Variants in ZHX3 observed in about 807,000 individuals in gnomAD.
The protein encoded by ZHX3 is zinc fingers and homeoboxes 3.
A neutral mutation model predicts 64.5 loss-of-function variants in ZHX3; 20 were observed. That is an observed-to-expected ratio of 0.31 (90% CI 0.22 to 0.45). The LOEUF (loss-of-function observed/expected upper bound fraction) is 0.45. Ranked by LOEUF, ZHX3 falls within the 20% of genes least tolerant of loss-of-function variation. The probability of loss-of-function intolerance (pLI) is 1.00; values close to 1 mark genes in which losing one functional copy is unlikely to be tolerated. For synonymous variants in ZHX3, 423 were observed against 461.6 expected, an observed-to-expected ratio of 0.92 and a Z score of 1.07; for missense variants, 1,041 against 1,195.8, an observed-to-expected ratio of 0.87 and a Z score of 1.91.
At chr20:41,211,986 T>C (rs1297255367) in intron 2 of ZHX3, among the ~76,000 whole-genome samples, 1 of 152,192 alleles carries the variant, frequency 6.6e-6, no homozygotes, top group African/African-American at 2.4e-5. Context: ...AGACAAGTTA[T>C]GGAAGACATC....
chr20:41,304,934 T>G (rs1309679471), intron 1 of ZHX3, among the ~76,000 whole-genome samples: 2 of 152,260 alleles, frequency 1.3e-5, no homozygotes, highest in Non-Finnish European at 2.9e-5. Flanking sequence ...GACCAAGGAC[T>G]ATGTTACAAA....
At chr20:41,310,222 G>T (rs1181901566) in intron 1 of ZHX3, among the ~76,000 whole-genome samples, 1 of 152,128 alleles carries the variant, frequency 6.6e-6, no homozygotes, top group East Asian at 1.9e-4. Context: ...AATGCTACCA[G>T]TGCCCCAGTT....
At position 41,204,979 on chromosome 20, in the gene ZHX3, G is replaced by A; in HGVS notation, c.-63C>T. ...TCCCATAAGGGGCCTAACAATACAA[G>A]TTCCAGCTTCTCGATGAGGGCCAAA... On this transcript the variant is annotated 5_prime_UTR_variant, in exon 3 of 4. Transcript: ENST00000683867. The surrounding 1 kb of genome is among the most constrained non-coding windows in gnomAD (Gnocchi z 6.6). 3 of 1,459,260 alleles carry A rather than the reference G, an allele frequency of 2.1e-6. No homozygotes were observed. The highest frequency in any genetic ancestry group is 2.7e-6 in the Non-Finnish European group (3 of 1,104,958). The allele number at this position is 1,459,260 out of a possible 1,614,324, so 90.4% of individuals were successfully genotyped here.
At chr20:41,231,300 C>A (rs1317376285) in intron 2 of ZHX3, among the ~76,000 whole-genome samples, 1 of 152,166 alleles carries the variant, frequency 6.6e-6, no homozygotes, top group East Asian at 1.9e-4. Context: ...TTGGCATGGG[C>A]AGTTTTTCTC....
intron 3 of ZHX3, among the ~76,000 whole-genome samples, chr20:41,196,416 TAATA>T (rs1290118571): frequency 2.1e-5 from 1 of 48,452 alleles, no homozygotes; most frequent in African/African-American, 7.6e-5. Context: ...ATATTATATA[TAATA>T]TATATTTATA....
chr20:41,196,457 T>C, intron 3 of ZHX3, among the ~76,000 whole-genome samples: 1 of 1,374 alleles, frequency 7.3e-4, no homozygotes, highest in Admixed American at 0.014. Context: ...ATATAATATA[T>C]TTATATATAA....
chr20:41,280,656 A>G (rs2043632664), intron 1 of ZHX3, among the ~76,000 whole-genome samples: 1 of 152,136 alleles, frequency 6.6e-6, no homozygotes. Flanking sequence ...ACCTCAAGTG[A>G]TCCAACCACC....
intron 2 of ZHX3, among the ~76,000 whole-genome samples, chr20:41,235,879 C>T (rs1270033524): frequency 6.6e-6 from 1 of 152,174 alleles, no homozygotes. Flanking sequence ...ACCCCATCAT[C>T]TCAGCCCAAA....
At position 41,187,461 on chromosome 20, in the gene ZHX3, CAAGGT is replaced by C. The variant is rs756719921; in HGVS notation, c.2861-2265_2861-2261del. Reference sequence around the variant, plus strand: ...TTTAAGTAAATTTCTGTATATAGTACAAGGTAAGAGTATAATTTCATACTTTTGCA... The same window carrying C: ...TTTAAGTAAATTTCTGTATATAGTACAAGAGTATAATTTCATACTTTTGCA... On this transcript the variant is annotated intron_variant, in intron 3 of 3. Transcript: ENST00000683867. Among the ~76,000 whole-genome samples, 77 of 151,364 alleles carry C rather than the reference CAAGGT, an allele frequency of 5.1e-4. 1 individual carries two copies. Among genetic ancestry groups the C allele is most frequent in the Middle Eastern group, 3.4e-3 (1 of 292 alleles).
intron 2 of ZHX3, among the ~76,000 whole-genome samples, chr20:41,263,805 G>C (rs1393283841): frequency 6.6e-6 from 1 of 152,226 alleles, no homozygotes; most frequent in South Asian, 2.1e-4. Flanking sequence ...CCTAAGAGAG[G>C]GGAGCTATTT....
Position 41,183,131 on chromosome 20 carries a change from G to A in ZHX3, c.*2060C>T, listed in dbSNP as rs2036302900. Reference sequence around the variant, plus strand: ...CCAAGTTTCTCAACTGCACACGCCAGATGCGCGTTTTACGAGAATCAAATG... The same window carrying A: ...CCAAGTTTCTCAACTGCACACGCCAAATGCGCGTTTTACGAGAATCAAATG... On this transcript the variant is annotated 3_prime_UTR_variant, in exon 4 of 4. Transcript: ENST00000683867. This position sits in a 1 kb window ranked among gnomAD's most constrained non-coding sequence, Gnocchi z 5.3. 6.6e-6 allele frequency: 1 copy of A among 152,228 alleles called. No individual in the cohort carries two copies. 9.4% of individuals were successfully genotyped at this position (152,228 alleles called of 1,614,324 possible).
chr20:41,276,509 C>G (rs1189396222), intron 1 of ZHX3, among the ~76,000 whole-genome samples: 1 of 152,148 alleles, frequency 6.6e-6, no homozygotes, highest in Non-Finnish European at 1.5e-5. Context: ...GGTAGTAGCT[C>G]TCTGGGTCTC....
At position 41,226,678 on chromosome 20, in the gene ZHX3, T is replaced by TC. The variant is rs1264629618; in HGVS notation, c.-150-21613dup. Among the ~76,000 whole-genome samples, 1 of 152,332 alleles carries TC rather than the reference T, an allele frequency of 6.6e-6. No individual in the cohort carries two copies. Among genetic ancestry groups the TC allele is most frequent in the South Asian group, 2.1e-4 (1 of 4,832 alleles). ...CAAATTATCTTCCTCTCAAGCTCAC[T>TC]CCCTAGTCCTTTCTGATAACCTCCT... On this transcript the variant is annotated intron_variant, in intron 2 of 3. Coordinates refer to ENST00000683867, the MANE Select transcript of ZHX3 (RefSeq NM_001384317.1). This position sits in a 1 kb window ranked among gnomAD's most constrained non-coding sequence, Gnocchi z 4.4.
intron 1 of ZHX3, among the ~76,000 whole-genome samples, chr20:41,287,549 A>C (rs2043999730): frequency 6.6e-6 from 1 of 152,156 alleles, no homozygotes; most frequent in Non-Finnish European, 1.5e-5. Flanking sequence ...TCATATAAAG[A>C]CCATGACTTC....
chr20:41,181,711 C>T lies in ZHX3; in HGVS notation c.*3480G>A, dbSNP rs571525252. 2 of 152,356 alleles carry T rather than the reference C, an allele frequency of 1.3e-5. No individual in the cohort carries two copies. Among genetic ancestry groups the T allele is most frequent in the South Asian group, 4.1e-4 (2 of 4,828 alleles). The allele number at this position is 152,356 out of a possible 1,614,324, so 9.4% of individuals were successfully genotyped here. On this transcript the variant is annotated 3_prime_UTR_variant, in exon 4 of 4. Transcript: ENST00000683867. The stretch of plus-strand genomic sequence containing the variant: ...GGCCACTGACTGAGCAGGATAAAAC[C>T]CACAAGGGCACATCTCAGGCTACGG...
At chr20:41,187,745 G>A (rs6124325) in intron 3 of ZHX3, among the ~76,000 whole-genome samples, 31,285 of 151,966 alleles carry the variant, frequency 0.21, 3,321 homozygotes, top group South Asian at 0.28. Context: ...TGTCTATTTG[G>A]GGTCCCCTGA....
chr20:41,262,236 A>C (rs2146571804), intron 2 of ZHX3, among the ~76,000 whole-genome samples: 1 of 152,322 alleles, frequency 6.6e-6, no homozygotes, highest in South Asian at 2.1e-4. Flanking sequence ...TGACAGCAAG[A>C]ATTATCTTCC....
At chr20:41,272,376 A>G (rs994704259) in intron 1 of ZHX3, 4 of 152,216 alleles carry the variant, frequency 2.6e-5, no homozygotes, top group Non-Finnish European at 5.9e-5. Context: ...AAATTCATAT[A>G]ACATTAACCA....
intron 1 of ZHX3, among the ~76,000 whole-genome samples, chr20:41,313,413 TATG>T (rs923542349): frequency 5.9e-5 from 9 of 151,438 alleles, no homozygotes; most frequent in African/African-American, 2.2e-4. Context: ...AGAGAGAGAA[TATG>T]ATGAGAGAAG....
Sources: allele counts gnomAD v4.1 joint callset (sites outside exome capture counted in the v4.1 genomes callset), GRCh38; gene constraint gnomAD v4.1.1; non-coding constraint Gnocchi (gnomAD v3.1); transcripts MANE v1.5; gene names NCBI Gene and HGNC (gene_info 2026-07-23, HGNC 2026-07-21).